DYRK1A: variants seen among roughly 807,000 people sequenced by gnomAD.
DYRK1A encodes the protein dual specificity tyrosine phosphorylation regulated kinase 1A, also known as dual specificity tyrosine-phosphorylation-regulated kinase 1A.
In DYRK1A, 9 loss-of-function variants were observed where a neutral mutation model predicts 79.7. That is an observed-to-expected ratio of 0.11 (90% CI 0.07 to 0.20). The LOEUF is 0.20. Ranked by LOEUF, DYRK1A falls within the 10% of genes least tolerant of loss-of-function variation. The probability of loss-of-function intolerance (pLI) is 1.00; values close to 1 mark genes in which losing one functional copy is unlikely to be tolerated. For missense variants in DYRK1A, 622 were observed against 956.0 expected, an observed-to-expected ratio of 0.65 and a Z score of 4.61; for synonymous variants, 349 against 329.7, an observed-to-expected ratio of 1.06 and a Z score of -0.63.
At chr21:37,467,475 C>G (rs1057478710) in intron 2 of DYRK1A, among the ~76,000 whole-genome samples, 1 of 152,228 alleles carries the variant, frequency 6.6e-6, no homozygotes, top group African/African-American at 2.4e-5. Flanking sequence ...AAGTGATTTT[C>G]CCACCTTGGC....
rs1180461621 is a variant in DYRK1A at position 37,513,109 on chromosome 21, G to C, written c.*578G>C. ...AAACACCATCTTCAGCTGTATGAAA[G>C]GGACGGTTGTGGTGAAGTTTGTCAG... On this transcript the variant is annotated 3_prime_UTR_variant, in exon 12 of 12. Transcript: ENST00000647188. The C allele has an allele frequency of 4.5e-5, 7 of 154,298 alleles. No individual in the cohort carries two copies. The highest frequency in any genetic ancestry group is 1.0e-4 in the Non-Finnish European group (7 of 69,266). 9.6% of individuals were successfully genotyped at this position (154,298 alleles called of 1,614,324 possible).
chr21:37,505,913 C>T (rs896604025), intron 10 of DYRK1A, among the ~76,000 whole-genome samples, 186 bp from the exon 11 acceptor site: 69 of 152,232 alleles, frequency 4.5e-4, no homozygotes, highest in African/African-American at 3.4e-4. Flanking sequence ...AAGTGGTGGA[C>T]GAGAGAGAAC....
chr21:37,441,739 A>G (rs552093416), intron 2 of DYRK1A, among the ~76,000 whole-genome samples: 10 of 152,244 alleles, frequency 6.6e-5, no homozygotes, highest in African/African-American at 2.2e-4. Flanking sequence ...ACCTTACACT[A>G]CATTACTATT....
At position 37,512,915 on chromosome 21, in the gene DYRK1A, C is replaced by T. The variant is rs764656827; in HGVS notation, c.*384C>T. 63 of 145,044 alleles carry T rather than the reference C, an allele frequency of 4.3e-4. No individual in the cohort carries two copies. The highest frequency in any genetic ancestry group is 6.8e-4 in the Non-Finnish European group (47 of 68,658). 9.0% of individuals were successfully genotyped at this position (145,044 alleles called of 1,614,324 possible). On this transcript the variant is annotated 3_prime_UTR_variant, in exon 12 of 12. Coordinates refer to ENST00000647188, the MANE Select transcript of DYRK1A (RefSeq NM_001347721.2). ...TGCACATAATTTGCATAAAGGGCCC[C>T]ATGAGGGTGTTTTTTTTTTTTCTTT...
chr21:37,499,778 C>T (rs532061336), intron 9 of DYRK1A, among the ~76,000 whole-genome samples: 1 of 152,162 alleles, frequency 6.6e-6, no homozygotes, highest in African/African-American at 2.4e-5. Context: ...TAAGACCTTG[C>T]TAAATTCACC....
rs1366600138 is a variant in DYRK1A at position 37,366,825 on chromosome 21, C to T, written c.-880C>T. Reference sequence around the variant, plus strand: ...TGGTTGGTTTTTTTTTAAACCCTTTCGCTTCCCGCCCGAATAATAATAAAA... The same window carrying T: ...TGGTTGGTTTTTTTTTAAACCCTTTTGCTTCCCGCCCGAATAATAATAAAA... On this transcript the variant is annotated 5_prime_UTR_variant, in exon 1 of 12. Coordinates refer to ENST00000647188, the MANE Select transcript of DYRK1A (RefSeq NM_001347721.2). The T allele has an allele frequency of 6.6e-6, 1 of 152,020 alleles. No individual in the cohort carries two copies. Among genetic ancestry groups the T allele is most frequent in the Non-Finnish European group, 1.5e-5 (1 of 68,016 alleles). The allele number at this position is 152,020 out of a possible 1,614,324, so 9.4% of individuals were successfully genotyped here. A position where few individuals can be genotyped will look rare whatever the true frequency, so the allele number is the denominator to read the frequency against.
chr21:37,369,897 ATAAG>A (rs2049396946), intron 1 of DYRK1A, among the ~76,000 whole-genome samples: 1 of 152,386 alleles, frequency 6.6e-6, no homozygotes, highest in Admixed American at 6.5e-5. Context: ...ATATCTAAAA[ATAAG>A]TCCAGTTTTT....
intron 11 of DYRK1A, 138 bp from the exon 12 acceptor site, chr21:37,511,773 C>T: frequency 9.6e-7 from 1 of 1,036,418 alleles, no homozygotes. Context: ...ATAAAACTGT[C>T]TTAACACATT....
intron 3 of DYRK1A, among the ~76,000 whole-genome samples, chr21:37,476,108 A>C (rs16995173): frequency 0.052 from 7,954 of 152,254 alleles, 743 homozygotes; most frequent in African/African-American, 0.18. Context: ...GGGGTTAGGC[A>C]TGGACATCTT....
chr21:37,461,528 T>A, intron 2 of DYRK1A, among the ~76,000 whole-genome samples: 1 of 152,222 alleles, frequency 6.6e-6, no homozygotes. Flanking sequence ...ATCATTTTCC[T>A]TCTGTGAACT....
chr21:37,483,438 G>A (rs1294575697), intron 5 of DYRK1A, among the ~76,000 whole-genome samples: 1 of 152,316 alleles, frequency 6.6e-6, no homozygotes, highest in East Asian at 1.9e-4. Context: ...AGTCCCTGAT[G>A]TCACGTGTAT....
At chr21:37,417,193 A>G (rs753767968) in intron 1 of DYRK1A, among the ~76,000 whole-genome samples, 1 of 151,786 alleles carries the variant, frequency 6.6e-6, no homozygotes, top group Non-Finnish European at 1.5e-5. Context: ...ATTAGTGTAT[A>G]TATATATATT....
chr21:37,378,674 C>T (rs186499621), intron 1 of DYRK1A, among the ~76,000 whole-genome samples: 4 of 152,248 alleles, frequency 2.6e-5, no homozygotes, highest in Non-Finnish European at 5.9e-5. Context: ...ATTTGCATGT[C>T]CTCTGTATGA....
At chr21:37,417,516 TCTTTTTCTTTTTC>T in intron 1 of DYRK1A, among the ~76,000 whole-genome samples, 1 of 70,586 alleles carries the variant, frequency 1.4e-5, no homozygotes, top group African/African-American at 6.5e-5. Context: ...CTTTTCTTTT[TCTTTTTCTTTTTC>T]TTTTTTTTTT....
At chr21:37,408,173 G>A (rs2050182410) in intron 1 of DYRK1A, among the ~76,000 whole-genome samples, 1 of 152,218 alleles carries the variant, frequency 6.6e-6, no homozygotes, top group Non-Finnish European at 1.5e-5. Flanking sequence ...TGGTATGTTT[G>A]TAAGCTCTCT....
intron 1 of DYRK1A, among the ~76,000 whole-genome samples, chr21:37,385,614 G>A (rs1464158730): frequency 6.6e-6 from 1 of 152,126 alleles, no homozygotes; most frequent in Admixed American, 6.5e-5. Flanking sequence ...GCCCACACTC[G>A]GGGAATGGTG....
intron 6 of DYRK1A, among the ~76,000 whole-genome samples, chr21:37,489,889 C>G (rs1033014980): frequency 6.6e-6 from 1 of 152,056 alleles, no homozygotes; most frequent in Non-Finnish European, 1.5e-5. Context: ...TCCATTTGGT[C>G]CTTATGTTTT....
intron 1 of DYRK1A, among the ~76,000 whole-genome samples, chr21:37,408,546 A>G (rs1199801641): frequency 6.6e-6 from 1 of 152,168 alleles, no homozygotes; most frequent in African/African-American, 2.4e-5. Context: ...ATCTGATTAA[A>G]CTGTAGAGTT....
At chr21:37,497,453 G>A (rs907200019) in intron 9 of DYRK1A, among the ~76,000 whole-genome samples, 3 of 151,990 alleles carry the variant, frequency 2.0e-5, no homozygotes, top group African/African-American at 4.8e-5. Context: ...TACCCACATA[G>A]CTCATTAATC....
Sources: allele counts gnomAD v4.1 joint callset (sites outside exome capture counted in the v4.1 genomes callset), GRCh38; gene constraint gnomAD v4.1.1; transcripts MANE v1.5; gene names NCBI Gene and HGNC (gene_info 2026-07-23, HGNC 2026-07-21).